Variants in SOCS2 observed in about 807,000 individuals in gnomAD.
SOCS2 encodes suppressor of cytokine signaling 2, also known as CIS-2.
SOCS2 carries 10 observed loss-of-function variants against 18.6 expected under a neutral mutation model. The ratio of observed to expected loss-of-function variants is 0.54; its 90% CI spans 0.33 to 0.91. The LOEUF (loss-of-function observed/expected upper bound fraction) is 0.91, where lower values mean the gene tolerates loss of function less well. Among genes scored for constraint, SOCS2 ranks in the 40% least tolerant of loss-of-function variants. The pLI, the probability that SOCS2 is intolerant of heterozygous loss-of-function variation, is 0.02. For synonymous variants in SOCS2, 104 were observed against 104.0 expected, an observed-to-expected ratio of 1.00 and a Z score of 0.00; for missense variants, 231 against 247.2, an observed-to-expected ratio of 0.93 and a Z score of 0.44.
chr12:93,618,037 G>A, the SOCS2 span, among the ~76,000 whole-genome samples: 1 of 152,168 alleles, frequency 6.6e-6, no homozygotes, highest in African/African-American at 2.4e-5. Context: ...GAATGATTTA[G>A]CACTAACCCC....
At chr12:93,593,062 T>C in the SOCS2 span, among the ~76,000 whole-genome samples, 1 of 152,114 alleles carries the variant, frequency 6.6e-6, no homozygotes, top group African/African-American at 2.4e-5. Context: ...CTGCCTTCTC[T>C]CTCCCCTTTT....
At chr12:93,586,005 G>C (rs1199006025), downstream of SOCS2, among the ~76,000 whole-genome samples, 1 of 152,026 alleles carries the variant, frequency 6.6e-6, no homozygotes, top group East Asian at 1.9e-4. Flanking sequence ...TATTTTAAAG[G>C]TTTGTATTAT....
chr12:93,581,516 G>A (rs1359583250), downstream of SOCS2, among the ~76,000 whole-genome samples: 3 of 151,930 alleles, frequency 2.0e-5, no homozygotes, highest in African/African-American at 7.2e-5. Context: ...TAGTTACTCT[G>A]GGGTATCTGT....
chr12:93,575,269 C>G lies in SOCS2; in HGVS notation c.*90C>G. 1 of 845,828 alleles carries G rather than the reference C, an allele frequency of 1.2e-6. No individual in the cohort carries two copies. Among genetic ancestry groups the G allele is most frequent in the Non-Finnish European group, 1.8e-6 (1 of 563,686 alleles). The allele number at this position is 845,828 out of a possible 1,614,324, so 52.4% of individuals were successfully genotyped here. A position where few individuals can be genotyped will look rare whatever the true frequency, so the allele number is the denominator to read the frequency against. ...ACCAAAACTTGAGTGCTCTGGATAA[C>G]TATATGGAATGCTTTCTAAGAACAG... is the stretch of plus-strand genomic sequence containing the variant. On this transcript the variant is annotated 3_prime_UTR_variant, in exon 2 of 2. Transcript: ENST00000551556.
chr12:93,601,602 C>T, the SOCS2 span, among the ~76,000 whole-genome samples: 1 of 152,192 alleles, frequency 6.6e-6, no homozygotes, highest in African/African-American at 2.4e-5. Flanking sequence ...AGCCACAGCG[C>T]CTGGCCAAAG....
the SOCS2 span, among the ~76,000 whole-genome samples, chr12:93,614,597 T>C: frequency 8.5e-6 from 1 of 118,322 alleles, no homozygotes; most frequent in Admixed American, 9.5e-5. Context: ...CTTTCTTTCT[T>C]TCTTTCTTTC....
chr12:93,612,508 C>A, the SOCS2 span, among the ~76,000 whole-genome samples: 12 of 152,204 alleles, frequency 7.9e-5, no homozygotes, highest in Non-Finnish European at 1.6e-4. Flanking sequence ...TTGTCCCCTG[C>A]TCAATCCTGC....
chr12:93,597,612 G>T, the SOCS2 span, among the ~76,000 whole-genome samples: 1 of 152,064 alleles, frequency 6.6e-6, no homozygotes, highest in African/African-American at 2.4e-5. Flanking sequence ...CGCCATGCCC[G>T]AACTCAAATC....
At chr12:93,571,601 A>T (rs994825773), upstream of SOCS2, 3 of 186,944 alleles carry the variant, frequency 1.6e-5, no homozygotes, top group Non-Finnish European at 3.4e-5. Flanking sequence ...ACCCGGCAGC[A>T]GTCCGAGAGT....
upstream of SOCS2, chr12:93,571,847 C>G (rs550794471): frequency 1.5e-3 from 638 of 428,010 alleles, no homozygotes; most frequent in Non-Finnish European, 2.2e-3. Context: ...CCCCACCCCC[C>G]CGCCCCATGT....
Position 93,574,909 on chromosome 12 carries a change from C to G in SOCS2, c.327C>G (p.Ile109Met), listed in dbSNP as rs745672345. ...ACGGAAAATTCAGATTGGACTCTAT[C>G]ATATGTGTCAAATCCAAGCTTAAAC... ...YQDGKFRLDS[I>M]ICVKSKLKQF... is the part of the protein sequence containing the mutation. The change falls in exon 2 of 2, where the codon ATC becomes ATG. Residue 109 changes from isoleucine (I) to methionine (M), a missense_variant. Around this residue, in one of 3 missense-constraint regions of SOCS2, gnomAD observed 122 missense variants for 127.2 expected, o/e 0.96. Transcript: ENST00000551556. The G allele has an allele frequency of 6.2e-7, 1 of 1,614,198 alleles. No individual in the cohort carries two copies. Among genetic ancestry groups the G allele is most frequent in the South Asian group, 1.1e-5 (1 of 91,084 alleles).
In SOCS2 at chr12:93,575,560, G is replaced by A. The variant is rs1334701467; in HGVS notation, c.*381G>A. Reference sequence around the variant, plus strand: ...AACTCCTCATAGGAATACTGAAGAAGTGGGAAGGAACCAAGCTGACACAGG... The same window carrying A: ...AACTCCTCATAGGAATACTGAAGAAATGGGAAGGAACCAAGCTGACACAGG... On this transcript the variant is annotated 3_prime_UTR_variant, in exon 2 of 2. Transcript: ENST00000551556. 6.4e-6 allele frequency: 1 copy of A among 156,670 alleles called. No homozygotes were observed. The highest frequency in any genetic ancestry group is 1.4e-5 in the Non-Finnish European group (1 of 70,580). 9.7% of individuals were successfully genotyped at this position (156,670 alleles called of 1,614,324 possible). A position where few individuals can be genotyped will look rare whatever the true frequency, so the allele number is the denominator to read the frequency against.
chr12:93,599,998 ACT>A, the SOCS2 span, among the ~76,000 whole-genome samples: 2 of 152,218 alleles, frequency 1.3e-5, no homozygotes, highest in African/African-American at 4.8e-5. Context: ...TTGTCTTTTC[ACT>A]GTTTAAAGTA....
chr12:93,573,176 C>G lies in SOCS2; in HGVS notation c.139+140C>G, dbSNP rs1392776306. On this transcript the variant is annotated intron_variant, in intron 1 of 1. Transcript: ENST00000551556. ...TCCAAGGGACCGCGGAGAGCACGCT[C>G]GCAGGGTCCTGGGTCCTTGGGAATG... 3 of 1,138,706 alleles carry G rather than the reference C, an allele frequency of 2.6e-6. No individual in the cohort carries two copies. The South Asian group carries it at 4.3e-5, about 16-fold the overall frequency. 70.5% of individuals were successfully genotyped at this position (1,138,706 alleles called of 1,614,324 possible). A position where few individuals can be genotyped will look rare whatever the true frequency, so the allele number is the denominator to read the frequency against.
the SOCS2 span, among the ~76,000 whole-genome samples, chr12:93,595,442 G>T: frequency 4.6e-5 from 7 of 152,094 alleles, no homozygotes; most frequent in African/African-American, 1.7e-4. Context: ...TTCCAGGCCA[G>T]TTTGTTGTCA....
chr12:93,612,310 T>C, the SOCS2 span, among the ~76,000 whole-genome samples: 61 of 151,996 alleles, frequency 4.0e-4, no homozygotes, highest in African/African-American at 1.4e-3. Flanking sequence ...ATGGTACTTT[T>C]CCATGGTATC....
At chr12:93,605,008 A>G in the SOCS2 span, among the ~76,000 whole-genome samples, 1 of 151,234 alleles carries the variant, frequency 6.6e-6, no homozygotes, top group Non-Finnish European at 1.5e-5. Context: ...ATAGGGTAAA[A>G]TTTTTAGGAA....
downstream of SOCS2, among the ~76,000 whole-genome samples, chr12:93,586,074 G>T (rs188379690): frequency 2.0e-5 from 3 of 150,598 alleles, no homozygotes; most frequent in African/African-American, 7.3e-5. Context: ...AAATATTTTC[G>T]TTCTGTGGTT....
At chr12:93,608,768 C>T in the SOCS2 span, among the ~76,000 whole-genome samples, 1 of 152,136 alleles carries the variant, frequency 6.6e-6, no homozygotes, top group Admixed American at 6.5e-5. Context: ...ATCTCCCATT[C>T]CCTGATGGGA....
Sources: allele counts gnomAD v4.1 joint callset (sites outside exome capture counted in the v4.1 genomes callset), GRCh38; gene constraint gnomAD v4.1.1; regional missense constraint gnomAD v4.1.1; transcripts MANE v1.5; gene names NCBI Gene and HGNC (gene_info 2026-07-23, HGNC 2026-07-21).